The following UPF3B variants were observed in gnomAD, a reference collection of about 807,000 sequenced individuals.
The protein encoded by UPF3B is UPF3B regulator of nonsense mediated mRNA decay.
A neutral mutation model predicts 40.3 loss-of-function variants in UPF3B; 7 were observed. The observed-to-expected ratio is 0.17, with a 90% CI of 0.10 to 0.33. The LOEUF (loss-of-function observed/expected upper bound fraction) is 0.33. UPF3B is among the 10% of genes least tolerant of loss of function. UPF3B has a pLI of 1.00. For synonymous variants in UPF3B, 117 were observed against 117.3 expected, an observed-to-expected ratio of 1.00 and a Z score of 0.01; for missense variants, 229 against 358.9, an observed-to-expected ratio of 0.64 and a Z score of 2.93.
chrX:119,845,054 C>T, intron 4 of UPF3B, 144 bp downstream of exon 4: 1 of 483,974 alleles, frequency 2.1e-6, no homozygotes, highest in Non-Finnish European at 3.5e-6. Flanking sequence ...TTAAGCAAAG[C>T]TTCCATCGGC....
At chrX:119,822,789 G>A (rs776639637) in intron 4 of UPF3B, among the ~76,000 whole-genome samples, 12 of 110,913 alleles carry the variant, frequency 1.1e-4, no homozygotes, top group African/African-American at 3.6e-4. Context: ...TGTAGTTTTA[G>A]TAGAGACTGG....
At chrX:119,842,638 AGC>A (rs1424850135) in intron 5 of UPF3B, among the ~76,000 whole-genome samples, 2 of 108,734 alleles carry the variant, frequency 1.8e-5, no homozygotes, top group African/African-American at 6.8e-5. Context: ...ACAGAGAGAG[AGC>A]GAGCGAGCAA....
At position 119,834,530 on chromosome X, in the gene UPF3B, C is replaced by T; in HGVS notation, c.*348G>A. 1 of 898,255 alleles carries T rather than the reference C, an allele frequency of 1.1e-6. No individual in the cohort carries two copies. The highest frequency in any genetic ancestry group is 1.4e-6 in the Non-Finnish European group (1 of 729,364). 74.0% of individuals were successfully genotyped at this position (898,255 alleles called of 1,213,427 possible). ...AGAAAATTCAATTCAGGATGAACAA[C>T]AGCTTTTGATTTTAGAACCAGCTCT... On this transcript the variant is annotated 3_prime_UTR_variant, in exon 11 of 11. Transcript: ENST00000276201.
At chrX:119,842,627 CACAG>C (rs1186183957) in intron 5 of UPF3B, among the ~76,000 whole-genome samples, 3 of 107,656 alleles carry the variant, frequency 2.8e-5, no homozygotes, top group South Asian at 3.9e-4. Flanking sequence ...CACACACACA[CACAG>C]AGAGAGAGCG....
At chrX:119,832,738 C>A (rs147812188), downstream of UPF3B, among the ~76,000 whole-genome samples, 336 of 111,471 alleles carry the variant, frequency 3.0e-3, 1 homozygote, top group Middle Eastern at 0.032. Context: ...ATCTAGGCAG[C>A]CTGACCCCAC....
intron 10 of UPF3B, among the ~76,000 whole-genome samples, chrX:119,836,537 G>T (rs1280437241): frequency 1.8e-5 from 2 of 109,877 alleles, no homozygotes; most frequent in Non-Finnish European, 3.8e-5. Context: ...GAAATTATGT[G>T]CAGGGTTTGT....
rs377128386 is a variant in UPF3B, at chrX:119,847,581, C to T, written c.371-2285G>A. 9.1e-5 allele frequency among the ~76,000 whole-genome samples: 10 copies of T among 109,992 alleles called. No homozygotes were observed. The East Asian group carries it at 2.3e-3, about 25-fold the overall frequency. On this transcript the variant is annotated intron_variant, in intron 3 of 10. Transcript: ENST00000276201. ...AGGAGTTTGAGACCAGCCTGGCCAA[C>T]ATGGTGAAACTCCGTCTCTACCACA...
chrX:119,845,423 C>T, intron 3 of UPF3B, 127 bp from the exon 4 acceptor site: 1 of 524,374 alleles, frequency 1.9e-6, no homozygotes. Flanking sequence ...CTCCCAAAGG[C>T]ATAAAGCACA....
At position 119,807,459 on chromosome X, in the gene UPF3B, G is replaced by A. The variant is rs770842634; in HGVS notation, c.*11+16C>T. The stretch of plus-strand genomic sequence containing the variant: ...CACTCCCTTCCTCCTTCTTTTCTAT[G>A]GTTAATATCACTTTCCTGCTTTCTT... On this transcript the variant is annotated intron_variant, in intron 6 of 6. Coordinates refer to the UPF3B transcript ENST00000636792. 97 of 882,579 alleles carry A rather than the reference G, an allele frequency of 1.1e-4. 1 individual carries two copies. The South Asian group carries it at 2.9e-3, about 26-fold the overall frequency. 72.7% of individuals were successfully genotyped at this position (882,579 alleles called of 1,213,427 possible). A position where few individuals can be genotyped will look rare whatever the true frequency, so the allele number is the denominator to read the frequency against.
intron 5 of UPF3B, among the ~76,000 whole-genome samples, chrX:119,809,210 G>C (rs1447598577): frequency 2.7e-5 from 3 of 110,379 alleles, no homozygotes; most frequent in Non-Finnish European, 3.8e-5. Context: ...CATCAGATCT[G>C]GTGTGACTCA....
intron 3 of UPF3B, among the ~76,000 whole-genome samples, chrX:119,849,739 C>A (rs2056278095): frequency 9.1e-6 from 1 of 110,066 alleles, no homozygotes; most frequent in Non-Finnish European, 1.9e-5. Context: ...AGATTAATTT[C>A]ATGGCAATAT....
intron 4 of UPF3B, among the ~76,000 whole-genome samples, chrX:119,818,227 T>C (rs1486488499): frequency 9.0e-6 from 1 of 110,883 alleles, no homozygotes; most frequent in Non-Finnish European, 1.9e-5. Context: ...ATCATGCCAC[T>C]GCACTCCAAC....
intron 5 of UPF3B, among the ~76,000 whole-genome samples, chrX:119,813,867 CTTCTT>C (rs2055843365): frequency 9.0e-6 from 1 of 110,576 alleles, no homozygotes; most frequent in South Asian, 3.9e-4. Flanking sequence ...CCTGGCCAAA[CTTCTT>C]TTCTTATCAA....
chrX:119,823,704 C>T (rs769592974), intron 3 of UPF3B, among the ~76,000 whole-genome samples: 36 of 109,548 alleles, frequency 3.3e-4, no homozygotes, highest in African/African-American at 1.0e-3. Flanking sequence ...GCTGGGACTA[C>T]AGGCATGCGC....
chrX:119,823,725 G>A (rs930104486), intron 3 of UPF3B, among the ~76,000 whole-genome samples: 8 of 109,123 alleles, frequency 7.3e-5, no homozygotes, highest in Middle Eastern at 4.6e-3. Context: ...CACCATGCCC[G>A]GCTAATTTTT....
chrX:119,847,559 A>G (rs1319576304), intron 3 of UPF3B, among the ~76,000 whole-genome samples: 1 of 110,842 alleles, frequency 9.0e-6, no homozygotes, highest in Non-Finnish European at 1.9e-5. Context: ...TGAGGTCAGG[A>G]GTTTGAGACC....
chrX:119,830,974 C>A (rs1171880668), downstream of UPF3B, among the ~76,000 whole-genome samples: 8 of 111,905 alleles, frequency 7.1e-5, no homozygotes, highest in Non-Finnish European at 1.5e-4. Flanking sequence ...GATTTTAGAA[C>A]CAGCTTTTAC....
chrX:119,825,128 G>A (rs1044160114), intron 3 of UPF3B, among the ~76,000 whole-genome samples: 11 of 111,436 alleles, frequency 9.9e-5, no homozygotes, highest in African/African-American at 3.6e-4. Flanking sequence ...AGAAATACCC[G>A]AGTGTGGGTA....
chrX:119,813,398 C>T (rs2055839608), intron 5 of UPF3B, among the ~76,000 whole-genome samples: 1 of 110,022 alleles, frequency 9.1e-6, no homozygotes, highest in Non-Finnish European at 1.9e-5. Context: ...CCTCCCCGCA[C>T]TCACTCTCTT....
Sources: gnomAD v4.1 joint callset for allele counts (sites outside exome capture counted in the v4.1 genomes callset) on GRCh38, gnomAD v4.1.1 for gene constraint, MANE v1.5 for transcripts, NCBI Gene and HGNC (gene_info 2026-07-23, HGNC 2026-07-21) for gene names.